Variants in IGF1R observed in about 807,000 individuals in gnomAD.
IGF1R encodes insulin like growth factor 1 receptor.
In IGF1R, 44 loss-of-function variants were observed where a neutral mutation model predicts 144.6. The ratio of observed to expected loss-of-function variants is 0.30; its 90% confidence interval spans 0.24 to 0.39. The LOEUF (loss-of-function observed/expected upper bound fraction) is 0.39, where lower values mean the gene tolerates loss of function less well. Among genes scored for constraint, IGF1R ranks in the 10% least tolerant of loss-of-function variants. The pLI is 1.00. For synonymous variants in IGF1R, 795 were observed against 722.8 expected, an observed-to-expected ratio of 1.10 and a Z score of -1.60; for missense variants, 1,355 against 1,833.7, an observed-to-expected ratio of 0.74 and a Z score of 4.77.
intron 2 of IGF1R, among the ~76,000 whole-genome samples, chr15:98,784,723 A>T (rs2055948339): frequency 6.6e-6 from 1 of 152,176 alleles, no homozygotes; most frequent in African/African-American, 2.4e-5. Context: ...AGTAAAAAAA[A>T]ATTACAATAC....
chr15:98,910,498 T>G (rs2014961407), intron 6 of IGF1R, among the ~76,000 whole-genome samples: 1 of 152,198 alleles, frequency 6.6e-6, no homozygotes, highest in Non-Finnish European at 1.5e-5. Context: ...CTCTTGAGTG[T>G]GTAGTGGGAT....
intron 2 of IGF1R, among the ~76,000 whole-genome samples, chr15:98,822,323 T>C (rs1288218248): frequency 6.6e-6 from 1 of 152,180 alleles, no homozygotes; most frequent in African/African-American, 2.4e-5. Context: ...GTGTTGTCTC[T>C]GGCAGGGAGC....
intron 2 of IGF1R, among the ~76,000 whole-genome samples, chr15:98,748,553 C>T (rs895167852): frequency 1.3e-5 from 2 of 152,176 alleles, no homozygotes; most frequent in African/African-American, 2.4e-5. Flanking sequence ...TGGAAATGAG[C>T]GTGCAAATCG....
At chr15:98,897,241 A>T (rs2014246096) in intron 4 of IGF1R, 1 of 279,698 alleles carries the variant, frequency 3.6e-6, no homozygotes, top group African/African-American at 2.2e-5. Flanking sequence ...GACTCAGCAG[A>T]CTCCAGCTGT....
chr15:98,869,670 G>A (rs527512033), intron 2 of IGF1R, among the ~76,000 whole-genome samples: 1 of 152,204 alleles, frequency 6.6e-6, no homozygotes, highest in East Asian at 1.9e-4. Context: ...CCCATCCTCA[G>A]GTGATCCACG....
intron 1 of IGF1R, among the ~76,000 whole-genome samples, chr15:98,698,009 A>G (rs2053636128): frequency 6.9e-6 from 1 of 145,172 alleles, no homozygotes; most frequent in Non-Finnish European, 1.5e-5. Flanking sequence ...TGCTGAGATT[A>G]CAGGCGTGAG....
chr15:98,860,709 A>T (rs529541430), intron 2 of IGF1R, among the ~76,000 whole-genome samples: 1 of 152,230 alleles, frequency 6.6e-6, no homozygotes, highest in Admixed American at 6.5e-5. Context: ...TTGTGTTCTT[A>T]TGGTTTGGTT....
chr15:98,776,947 T>C (rs1460636951), intron 2 of IGF1R, among the ~76,000 whole-genome samples: 1 of 152,248 alleles, frequency 6.6e-6, no homozygotes, highest in Non-Finnish European at 1.5e-5. Context: ...AATTCCTCAC[T>C]GAAGGGTTTT....
chr15:98,773,580 A>T (rs1214166931), intron 2 of IGF1R, among the ~76,000 whole-genome samples: 1 of 152,110 alleles, frequency 6.6e-6, no homozygotes, highest in Non-Finnish European at 1.5e-5. Context: ...TGTTCTGGGG[A>T]CCACTCTTAT....
intron 1 of IGF1R, among the ~76,000 whole-genome samples, chr15:98,654,503 C>T (rs1001054528): frequency 6.6e-6 from 1 of 152,070 alleles, no homozygotes; most frequent in African/African-American, 2.4e-5. Context: ...TTGTAAATAA[C>T]TTGGTGTTTT....
intron 2 of IGF1R, among the ~76,000 whole-genome samples, chr15:98,854,590 AGGTCAGCC>A (rs1453971394): frequency 4.6e-5 from 7 of 152,138 alleles, no homozygotes; most frequent in Non-Finnish European, 8.8e-5. Flanking sequence ...CTTTCTGGCC[AGGTCAGCC>A]TGTTCATTTT....
At chr15:98,652,932 C>A (rs987563836) in intron 1 of IGF1R, among the ~76,000 whole-genome samples, 2 of 123,436 alleles carry the variant, frequency 1.6e-5, no homozygotes, top group Admixed American at 7.7e-5. Context: ...TCTCAATAAA[C>A]CCTTTTTTTT....
At chr15:98,908,310 A>G (rs1422283471) in intron 5 of IGF1R, among the ~76,000 whole-genome samples, 3 of 152,260 alleles carry the variant, frequency 2.0e-5, no homozygotes, top group African/African-American at 4.8e-5. Context: ...CCGATTGGGT[A>G]GCAGAGCATG....
At position 98,891,671 on chromosome 15, in the gene IGF1R, C is replaced by G. The variant is rs778482528; in HGVS notation, c.953+34C>G. The G allele has an allele frequency of 5.7e-6, 9 of 1,580,540 alleles. 1 individual carries two copies. In the South Asian group the frequency reaches 1.0e-4, roughly 18 times the overall value. ...CGGCCACACGTGTGGTCACTACCCG[C>G]CCCACCTCACCCGCCACCCTAGCAC... On this transcript the variant is annotated intron_variant, in intron 3 of 20. Transcript: ENST00000650285. The surrounding 1 kb of genome is among the most constrained non-coding windows in gnomAD (Gnocchi z 4.7).
rs543372472 is a variant in IGF1R, at chr15:98,665,490, T to C, written c.94+15815T>C. Among the ~76,000 whole-genome samples the C allele has an allele frequency of 7.2e-5, 11 of 152,054 alleles. No individual in the cohort carries two copies. The East Asian group carries it at 2.1e-3, about 30-fold the overall frequency. On this transcript the variant is annotated intron_variant, in intron 1 of 20. Coordinates refer to ENST00000650285, the MANE Select transcript of IGF1R (RefSeq NM_000875.5). ...TCCCTTCGCCCTTCAGTCTCTTCCTTCTTCAAGGAGGGGGAGGTAATTGGG... is the reference window on the plus strand; with the variant it reads ...TCCCTTCGCCCTTCAGTCTCTTCCTCCTTCAAGGAGGGGGAGGTAATTGGG...
chr15:98,851,097 A>G (rs1465531196), intron 2 of IGF1R, among the ~76,000 whole-genome samples: 1 of 152,136 alleles, frequency 6.6e-6, no homozygotes, highest in Non-Finnish European at 1.5e-5. Context: ...GCCGTGGAGA[A>G]CAGTGGCCTC....
At chr15:98,835,491 G>C (rs941213619) in intron 2 of IGF1R, among the ~76,000 whole-genome samples, 5 of 152,204 alleles carry the variant, frequency 3.3e-5, no homozygotes, top group Non-Finnish European at 7.4e-5. Context: ...TCGACAGAGT[G>C]GATAGGCTTC....
chr15:98,956,390 T>A (rs370406820), intron 20 of IGF1R, among the ~76,000 whole-genome samples: 1 of 152,248 alleles, frequency 6.6e-6, no homozygotes, highest in South Asian at 2.1e-4. Context: ...GCCTCTCGTT[T>A]GGTCCAGAAC....
intron 3 of IGF1R, among the ~76,000 whole-genome samples, chr15:98,892,955 C>T (rs574618880): frequency 1.3e-5 from 2 of 152,112 alleles, no homozygotes; most frequent in Admixed American, 6.5e-5. Context: ...AGGTCAAGGC[C>T]GAAATAAGCC....
Sources: gnomAD v4.1 joint callset for allele counts (sites outside exome capture counted in the v4.1 genomes callset) on GRCh38, gnomAD v4.1.1 for gene constraint, Gnocchi (gnomAD v3.1) non-coding constraint, MANE v1.5 for transcripts, NCBI Gene and HGNC (gene_info 2026-07-23, HGNC 2026-07-21) for gene names.